The following EMC8 variants were observed in gnomAD, a reference collection of about 807,000 sequenced individuals.
EMC8 encodes COX4 neighbor.
Under a neutral mutation model 24.3 loss-of-function variants are expected in EMC8, and 11 were observed. The observed-to-expected ratio is 0.45, with a 90% CI of 0.28 to 0.75. The LOEUF (loss-of-function observed/expected upper bound fraction) is 0.75. Ranked by LOEUF, EMC8 falls within the 30% of genes least tolerant of loss-of-function variation. The probability of loss-of-function intolerance (pLI) is 0.12; values close to 1 mark genes in which losing one functional copy is unlikely to be tolerated. For missense variants in EMC8, 277 were observed against 282.7 expected (o/e 0.98, Z 0.14); for synonymous variants, 145 against 117.7 (o/e 1.23, Z -1.50).
At chr16:85,796,792 C>T (rs1409083216) in intron 1 of EMC8, among the ~76,000 whole-genome samples, 2 of 152,254 alleles carry the variant, frequency 1.3e-5, no homozygotes, top group African/African-American at 4.8e-5. Flanking sequence ...ATGTTCCTTT[C>T]TCTGGGCAAC....
Position 85,779,798 on chromosome 16 carries a change from C to G in EMC8, c.543G>C (p.Glu181Asp). ...SASLLDSRSY[E>D]TLVDFDNHLD... is the part of the protein sequence containing the mutation. The stretch of plus-strand genomic sequence containing the variant: ...GGTGGTTATCGAAATCCACGAGCGT[C>G]TCGTAGGACCGGCTGTCCAGGAGCG... The change falls in exon 5 of 5, where the codon GAG becomes GAC. Residue 181 changes from glutamate (E) to aspartate (D), a missense_variant. Glu to Asp is a conservative substitution (Grantham distance 45). Transcript: ENST00000253457. The G allele has an allele frequency of 1.9e-6, 3 of 1,614,202 alleles. No individual in the cohort carries two copies. The highest frequency in any genetic ancestry group is 2.2e-5 in the South Asian group (2 of 91,080).
At chr16:85,792,857 T>C (rs1228065115) in intron 1 of EMC8, 1 of 152,206 alleles carries the variant, frequency 6.6e-6, no homozygotes, top group African/African-American at 2.4e-5. Flanking sequence ...TGTCCCTGCT[T>C]CGCTGTACGA....
At chr16:85,794,774 T>C (rs1348290369) in intron 1 of EMC8, among the ~76,000 whole-genome samples, 1 of 151,686 alleles carries the variant, frequency 6.6e-6, no homozygotes. Flanking sequence ...GGGAGTCAAG[T>C]GTGGACCTTA....
At chr16:85,788,713 A>C (rs1332642852) in intron 2 of EMC8, among the ~76,000 whole-genome samples, 1 of 152,250 alleles carries the variant, frequency 6.6e-6, no homozygotes, top group African/African-American at 2.4e-5. Context: ...TCGGAAGCCA[A>C]CTGTCGCTTT....
intron 1 of EMC8, among the ~76,000 whole-genome samples, chr16:85,794,641 A>G (rs1030407682): frequency 6.6e-6 from 1 of 152,192 alleles, no homozygotes; most frequent in Non-Finnish European, 1.5e-5. Flanking sequence ...GCGAGCCGAC[A>G]TCGCTCCACT....
intron 1 of EMC8, among the ~76,000 whole-genome samples, chr16:85,797,488 C>T (rs1905284355): frequency 6.6e-6 from 1 of 152,172 alleles, no homozygotes; most frequent in Admixed American, 6.5e-5. Flanking sequence ...GTAATGACAG[C>T]AGATATCTTC....
rs148899206 is a variant in EMC8, at chr16:85,799,141, G to A, written c.155C>T (p.Thr52Ile). The change falls in exon 1 of 5, where the codon ACC (threonine) becomes ATC (isoleucine). Residue 52 changes from threonine (T) to isoleucine (I), a missense_variant. Transcript: ENST00000253457. This position sits in a 1 kb window ranked among gnomAD's most constrained non-coding sequence, Gnocchi z 4.2. ...LPLGGPGAHHTLFVDCIPLFH... is the reference protein window; with the variant it reads ...LPLGGPGAHHILFVDCIPLFH... ...GAGGGGGATGCAGTCCACGAAGAGG[G>A]TGTGGTGGGCGCCGGGGCCGCCCAG... 236 of 1,603,330 alleles carry A rather than the reference G, an allele frequency of 1.5e-4. No individual in the cohort carries two copies. The highest frequency in any genetic ancestry group is 2.0e-4 in the Non-Finnish European group (230 of 1,175,308).
chr16:85,794,958 C>G (rs3794664), intron 1 of EMC8, among the ~76,000 whole-genome samples: 105,549 of 152,058 alleles, frequency 0.69, 37,744 homozygotes, highest in Non-Finnish European at 0.78. Flanking sequence ...GGCATCTTTC[C>G]TCCCTGGTAA....
chr16:85,794,953 C>A (rs1047322946), intron 1 of EMC8, among the ~76,000 whole-genome samples: 6 of 152,216 alleles, frequency 3.9e-5, no homozygotes, highest in Non-Finnish European at 8.8e-5. Context: ...CTCTGGGCAT[C>A]TTTCCTCCCT....
chr16:85,787,228 C>G (rs141569313), intron 2 of EMC8, among the ~76,000 whole-genome samples: 156 of 152,260 alleles, frequency 1.0e-3, no homozygotes, highest in African/African-American at 3.4e-3. Context: ...TGCTGTCCCC[C>G]CAACCAGGAA....
chr16:85,796,672 C>G (rs1217305414), intron 1 of EMC8, among the ~76,000 whole-genome samples: 1 of 152,190 alleles, frequency 6.6e-6, no homozygotes, highest in Non-Finnish European at 1.5e-5. Flanking sequence ...CCCCCACTCG[C>G]TCTCCTCTCC....
At chr16:85,780,661 C>A in intron 3 of EMC8, 188 bp from the exon 4 acceptor site, 1 of 589,240 alleles carries the variant, frequency 1.7e-6, no homozygotes, top group Non-Finnish European at 3.0e-6. Flanking sequence ...TGCAGGAAAA[C>A]GTCAAGTCCT....
rs750887449 is a variant in EMC8 at position 85,799,137 on chromosome 16, G to A, written c.159C>T (p.Leu53=). The A allele has an allele frequency of 6.2e-7, 1 of 1,602,144 alleles. No individual in the cohort carries two copies. The highest frequency in any genetic ancestry group is 1.1e-5 in the South Asian group (1 of 89,414). Residue 53 remains leucine, a synonymous_variant, in exon 1 of 5, where the codon CTC becomes CTT. Coordinates refer to ENST00000253457, the MANE Select transcript of EMC8 (RefSeq NM_006067.5). The surrounding 1 kb of genome is among the most constrained non-coding windows in gnomAD (Gnocchi z 4.2). ...PLGGPGAHHT[L]FVDCIPLFHG... is the part of the protein sequence containing the mutation. ...GGAAGAGGGGGATGCAGTCCACGAAGAGGGTGTGGTGGGCGCCGGGGCCGC... is the reference window on the plus strand; with the variant it reads ...GGAAGAGGGGGATGCAGTCCACGAAAAGGGTGTGGTGGGCGCCGGGGCCGC...
At chr16:85,793,964 T>C (rs1202767055) in intron 1 of EMC8, among the ~76,000 whole-genome samples, 1 of 152,194 alleles carries the variant, frequency 6.6e-6, no homozygotes, top group Admixed American at 6.5e-5. Flanking sequence ...ATTTTTTTAA[T>C]GGAAAATAAT....
chr16:85,793,429 G>A (rs954358219), intron 1 of EMC8, among the ~76,000 whole-genome samples: 2 of 152,202 alleles, frequency 1.3e-5, no homozygotes, highest in Admixed American at 1.3e-4. Context: ...ATGAGAAGGA[G>A]TGGGAACCAT....
In EMC8 at chr16:85,781,277, T is replaced by C; in HGVS notation, c.312A>G (p.Pro104=). ...AGGCCACCTTCTCTGCAACCTGGTT[T>C]GGACTGTCAAAGAAATAGGCTACCA... ...QANERVKDAS[P]NQVAEKVASR... is the part of the protein sequence containing the mutation. Residue 104 remains proline, a synonymous_variant, in exon 3 of 5, where the codon CCA becomes CCG. Coordinates refer to ENST00000253457, the MANE Select transcript of EMC8 (RefSeq NM_006067.5). 6.6e-7 allele frequency: 1 copy of C among 1,515,636 alleles called. No individual in the cohort carries two copies. Among genetic ancestry groups the C allele is most frequent in the Non-Finnish European group, 8.8e-7 (1 of 1,139,488 alleles). The allele number at this position is 1,515,636 out of a possible 1,614,324, so 93.9% of individuals were successfully genotyped here.
At position 85,799,012 on chromosome 16, in the gene EMC8, A is replaced by G. The variant is rs1186553494; in HGVS notation, c.231+53T>C. On this transcript the variant is annotated intron_variant, in intron 1 of 4. Coordinates refer to ENST00000253457, the MANE Select transcript of EMC8 (RefSeq NM_006067.5). The surrounding 1 kb of genome is among the most constrained non-coding windows in gnomAD (Gnocchi z 4.2). Reference sequence around the variant, plus strand: ...CGCTGGGCCAGCTTCCTCTCTGCTGACTGAGGGGAGGCCAGGCTGCCTGCA... The same window carrying G: ...CGCTGGGCCAGCTTCCTCTCTGCTGGCTGAGGGGAGGCCAGGCTGCCTGCA... 35 of 1,273,892 alleles carry G rather than the reference A, an allele frequency of 2.7e-5. 1 individual carries two copies. The highest frequency in any genetic ancestry group is 3.8e-5 in the Non-Finnish European group (35 of 914,772). 78.9% of individuals were successfully genotyped at this position (1,273,892 alleles called of 1,614,324 possible).
intron 2 of EMC8, among the ~76,000 whole-genome samples, chr16:85,782,673 T>A (rs1173796193): frequency 2.0e-5 from 3 of 152,168 alleles, no homozygotes; most frequent in Non-Finnish European, 4.4e-5. Flanking sequence ...CTCTGTGCAA[T>A]CTGCCATCTA....
intron 2 of EMC8, among the ~76,000 whole-genome samples, chr16:85,786,356 G>C (rs1467723865): frequency 1.3e-5 from 2 of 152,226 alleles, no homozygotes; most frequent in South Asian, 4.1e-4. Context: ...TTTCCAGGCA[G>C]AAGCAAAACC....
Sources: gnomAD v4.1 joint callset for allele counts (sites outside exome capture counted in the v4.1 genomes callset) on GRCh38, gnomAD v4.1.1 for gene constraint, Gnocchi (gnomAD v3.1) non-coding constraint, MANE v1.5 for transcripts, NCBI Gene and HGNC (gene_info 2026-07-23, HGNC 2026-07-21) for gene names.